The following DNAH7 variants were observed in gnomAD, a reference collection of about 807,000 sequenced individuals.
DNAH7 encodes the protein dynein axonemal heavy chain 7, also known as axonemal beta dynein heavy chain 7.
Under a neutral mutation model 444.6 loss-of-function variants are expected in DNAH7, and 397 were observed. The ratio of observed to expected loss-of-function variants is 0.89; its 90% CI spans 0.82 to 0.97. The LOEUF (loss-of-function observed/expected upper bound fraction) is 0.97, where lower values mean the gene tolerates loss of function less well. Among genes scored for constraint, DNAH7 ranks in the 50% least tolerant of loss-of-function variants. The probability of loss-of-function intolerance (pLI) is 0.00; values close to 1 mark genes in which losing one functional copy is unlikely to be tolerated. For missense variants in DNAH7, 4,902 were observed against 4,800.8 expected (o/e 1.02, Z -0.62); for synonymous variants, 1,636 against 1,624.4 (o/e 1.01, Z -0.17).
At chr2:195,989,738 C>A (rs935481722) in intron 12 of DNAH7, among the ~76,000 whole-genome samples, 5 of 152,128 alleles carry the variant, frequency 3.3e-5, no homozygotes, top group African/African-American at 1.2e-4. Flanking sequence ...CAAACAAGTT[C>A]TCATGAGATC....
chr2:196,043,792 C>T (rs1479589578), intron 5 of DNAH7, among the ~76,000 whole-genome samples: 1 of 152,002 alleles, frequency 6.6e-6, no homozygotes, highest in African/African-American at 2.4e-5. Flanking sequence ...GGCCAGAAAG[C>T]ATATGAAAAA....
intron 5 of DNAH7, among the ~76,000 whole-genome samples, chr2:196,044,225 G>GTA (rs1696957377): frequency 1.3e-5 from 2 of 150,270 alleles, no homozygotes; most frequent in South Asian, 2.1e-4. Context: ...GTGTGTGTGT[G>GTA]TATACATACA....
At chr2:195,741,956 CAT>C (rs1427213488) in intron 63 of DNAH7, among the ~76,000 whole-genome samples, 1 of 152,126 alleles carries the variant, frequency 6.6e-6, no homozygotes, top group South Asian at 2.1e-4. Flanking sequence ...TAAATGGCCA[CAT>C]GTGGATAATT....
At chr2:195,895,411 C>T (rs566014770) in intron 29 of DNAH7, among the ~76,000 whole-genome samples, 187 bp from the exon 30 acceptor site, 1 of 151,934 alleles carries the variant, frequency 6.6e-6, no homozygotes, top group South Asian at 2.1e-4. Context: ...AATTGTGATC[C>T]TTATGATGTT....
At chr2:195,933,118 A>C (rs1321596847) in intron 21 of DNAH7, among the ~76,000 whole-genome samples, 1 of 152,148 alleles carries the variant, frequency 6.6e-6, no homozygotes, top group Non-Finnish European at 1.5e-5. Context: ...GTCTATTCAG[A>C]GATTCAACTT....
At chr2:195,910,649 A>C (rs1283753455) in intron 24 of DNAH7, among the ~76,000 whole-genome samples, 1 of 152,224 alleles carries the variant, frequency 6.6e-6, no homozygotes, top group Non-Finnish European at 1.5e-5. Flanking sequence ...GTATATAAAT[A>C]AATGAGTATA....
intron 5 of DNAH7, among the ~76,000 whole-genome samples, chr2:196,038,882 A>G (rs1293042500): frequency 6.6e-6 from 1 of 152,212 alleles, no homozygotes; most frequent in African/African-American, 2.4e-5. Flanking sequence ...AGATATATAA[A>G]GAAAATATTA....
At chr2:195,957,212 C>G (rs1468615314) in intron 19 of DNAH7, 49 bp downstream of exon 19, 1 of 1,394,722 alleles carries the variant, frequency 7.2e-7, no homozygotes, top group South Asian at 1.8e-5. Context: ...AAACAAAAAT[C>G]ATGTCACTTC....
chr2:195,798,969 T>C (rs549823478), intron 55 of DNAH7, among the ~76,000 whole-genome samples: 1 of 152,270 alleles, frequency 6.6e-6, no homozygotes, highest in East Asian at 1.9e-4. Flanking sequence ...GAGGTCACTG[T>C]CCAGGCTTGA....
chr2:195,749,391 A>T (rs1204727367), intron 63 of DNAH7, among the ~76,000 whole-genome samples: 1 of 151,622 alleles, frequency 6.6e-6, no homozygotes, highest in South Asian at 2.1e-4. Flanking sequence ...GTGGGACTGT[A>T]AACTAGTTCA....
chr2:196,047,291 G>A (rs759364952), intron 5 of DNAH7, 61 bp downstream of exon 5: 2 of 1,405,974 alleles, frequency 1.4e-6, no homozygotes, highest in South Asian at 1.8e-5. Flanking sequence ...ATATTCTTAG[G>A]TTAAACGTTG....
intron 29 of DNAH7, among the ~76,000 whole-genome samples, chr2:195,896,038 T>G (rs1212056828): frequency 6.6e-6 from 1 of 152,246 alleles, no homozygotes; most frequent in African/African-American, 2.4e-5. Context: ...TGAATTTGTA[T>G]GAACAAATGC....
intron 19 of DNAH7, among the ~76,000 whole-genome samples, chr2:195,937,999 AT>A: frequency 1.3e-5 from 2 of 152,124 alleles, no homozygotes; most frequent in Non-Finnish European, 2.9e-5. Flanking sequence ...AACTAATTAG[AT>A]ATTTTTGGTA....
chr2:195,915,941 T>C (rs168191), intron 24 of DNAH7, among the ~76,000 whole-genome samples: 25 of 152,330 alleles, frequency 1.6e-4, no homozygotes, highest in African/African-American at 5.8e-4. Context: ...TTATTTTCCA[T>C]TACTTTAGCT....
Position 195,817,701 on chromosome 2 carries a change from A to T in DNAH7, c.9420T>A (p.Asn3140Lys). The part of the protein sequence containing the change: ...KQALILQGAE[N>K]KRQLKEIEDK... ...CTGTTTATGACATTTAAAACCTTTT[A>T]TTTTCAGCTCCTTGTAATATCAAGG... The change falls in exon 50 of 65, where the codon AAT becomes AAA. Residue 3140 changes from asparagine to lysine, a missense_variant. Transcript: ENST00000312428. The T allele has an allele frequency of 2.5e-6, 4 of 1,603,246 alleles. No individual in the cohort carries two copies. The highest frequency in any genetic ancestry group is 3.4e-6 in the Non-Finnish European group (4 of 1,177,210).
intron 19 of DNAH7, among the ~76,000 whole-genome samples, chr2:195,943,626 G>A (rs775441005): frequency 1.3e-4 from 20 of 152,084 alleles, no homozygotes; most frequent in Non-Finnish European, 2.2e-4. Flanking sequence ...TTGGTGAGGG[G>A]TAGTCTCCGA....
intron 47 of DNAH7, among the ~76,000 whole-genome samples, chr2:195,835,146 T>C (rs1698279430): frequency 6.6e-6 from 1 of 152,182 alleles, no homozygotes; most frequent in Non-Finnish European, 1.5e-5. Context: ...GAAATGTAAT[T>C]GGCAACAAAA....
chr2:195,906,598 T>G, intron 27 of DNAH7, 61 bp downstream of exon 27: 1 of 1,533,762 alleles, frequency 6.5e-7, no homozygotes, highest in South Asian at 1.2e-5. Flanking sequence ...CCAGCTCTTT[T>G]CATATATTAA....
rs778406311 is a variant in DNAH7 at position 195,855,859 on chromosome 2, T to C, written c.8547A>G (p.Gln2849=). ...TTTGTTTATTTAATTCAAGTGTGTCTTGAAGCCTGGCCAGCTTGTCCTGAA... is the reference window on the plus strand; with the variant it reads ...TTTGTTTATTTAATTCAAGTGTGTCCTGAAGCCTGGCCAGCTTGTCCTGAA... The part of the protein sequence containing the change: ...KEVQDKLARL[Q]DTLELNKQKK... The change falls in exon 45 of 65, where the codon CAA becomes CAG. Residue 2849 remains glutamine, a synonymous_variant. Transcript: ENST00000312428. 10 of 1,613,960 alleles carry C rather than the reference T, an allele frequency of 6.2e-6. No homozygotes were observed. The highest frequency in any genetic ancestry group is 1.1e-5 in the South Asian group (1 of 91,060).
Sources: gnomAD v4.1 joint callset for allele counts (sites outside exome capture counted in the v4.1 genomes callset) on GRCh38, gnomAD v4.1.1 for gene constraint, MANE v1.5 for transcripts, NCBI Gene and HGNC (gene_info 2026-07-23, HGNC 2026-07-21) for gene names.